The following MYO9A variants were observed in gnomAD, a reference collection of about 807,000 sequenced individuals.
The protein encoded by MYO9A is myosin IXA, also known as unconventional myosin-IXa.
MYO9A carries 103 observed loss-of-function variants against 293.3 expected under a neutral mutation model. The ratio of observed to expected loss-of-function variants is 0.35; its 90% CI spans 0.30 to 0.41. The LOEUF is 0.41. MYO9A is among the 10% of genes least tolerant of loss of function. The probability of loss-of-function intolerance (pLI) is 1.00; values close to 1 mark genes in which losing one functional copy is unlikely to be tolerated. For synonymous variants in MYO9A, 1,001 were observed against 1,035.7 expected (o/e 0.97, Z 0.64); for missense variants, 2,685 against 3,033.0 (o/e 0.89, Z 2.69).
intron 14 of MYO9A, among the ~76,000 whole-genome samples, chr15:71,958,297 T>A (rs1171306514): frequency 6.6e-6 from 1 of 152,136 alleles, no homozygotes; most frequent in Non-Finnish European, 1.5e-5. Flanking sequence ...ATTTTTACAA[T>A]CTGTTAGTTT....
At chr15:72,071,429 ACT>A (rs1433218754) in intron 1 of MYO9A, among the ~76,000 whole-genome samples, 5 of 152,182 alleles carry the variant, frequency 3.3e-5, no homozygotes, top group African/African-American at 9.7e-5. Context: ...AAAAGGGAAC[ACT>A]CACACATTTG....
At chr15:71,835,496 C>T (rs1305852014) in intron 39 of MYO9A, among the ~76,000 whole-genome samples, 5 of 151,906 alleles carry the variant, frequency 3.3e-5, no homozygotes, top group Non-Finnish European at 5.9e-5. Flanking sequence ...CAATAAGCAA[C>T]AGAAAATAAA....
Position 71,999,832 on chromosome 15 carries a change from C to A in MYO9A, c.1470+19G>T. ...AACAATGTCCAGAATGCTTTCATTT[C>A]AAAGAAAATCCATCATACCTCTGCC... On this transcript the variant is annotated intron_variant, in intron 9 of 41. Coordinates refer to ENST00000356056, the MANE Select transcript of MYO9A (RefSeq NM_006901.4). The A allele has an allele frequency of 6.3e-7, 1 of 1,599,474 alleles. No homozygotes were observed. Among genetic ancestry groups the A allele is most frequent in the South Asian group, 1.1e-5 (1 of 89,378 alleles).
At chr15:72,104,306 G>T (rs1220123239) in intron 1 of MYO9A, among the ~76,000 whole-genome samples, 1 of 152,120 alleles carries the variant, frequency 6.6e-6, no homozygotes, top group Admixed American at 6.5e-5. Flanking sequence ...GGTAGGTTAG[G>T]TGTAATAAAT....
At chr15:71,992,569 T>A (rs892552344) in intron 10 of MYO9A, among the ~76,000 whole-genome samples, 1 of 152,218 alleles carries the variant, frequency 6.6e-6, no homozygotes, top group Non-Finnish European at 1.5e-5. Flanking sequence ...AGATTACAAT[T>A]TAAATTAATT....
At chr15:72,110,931 G>A (rs992351768) in intron 1 of MYO9A, among the ~76,000 whole-genome samples, 9 of 150,954 alleles carry the variant, frequency 6.0e-5, no homozygotes, top group Admixed American at 4.0e-4. Flanking sequence ...AGGCCGAAGC[G>A]GGCGGATCAC....
At chr15:71,927,379 T>C (rs1052675844) in intron 18 of MYO9A, among the ~76,000 whole-genome samples, 3 of 152,184 alleles carry the variant, frequency 2.0e-5, no homozygotes, top group African/African-American at 7.2e-5. Flanking sequence ...CATTTGTCTA[T>C]TACTGCTTTC....
Position 71,916,458 on chromosome 15 carries a change from G to C in MYO9A, c.2597C>G (p.Thr866Arg). The C allele has an allele frequency of 6.2e-7, 1 of 1,612,030 alleles. No homozygotes were observed. The highest frequency in any genetic ancestry group is 2.2e-5 in the East Asian group (1 of 44,746). The change falls in exon 19 of 42, where the codon ACA (threonine) becomes AGA (arginine). Residue 866 changes from threonine to arginine, a missense_variant. Thr to Arg is a moderately conservative substitution (Grantham distance 71). Transcript: ENST00000356056. ...LLEVNSLKHL[T>R]RLTLQDRITK... ...AATGCGATCTTGTAGTGTCAGTCTT[G>C]TCAGGTGCTTTAAAGAATTTACTTC... is the stretch of plus-strand genomic sequence containing the variant.
intron 1 of MYO9A, among the ~76,000 whole-genome samples, chr15:72,076,030 G>A (rs760439069): frequency 7.9e-5 from 12 of 152,108 alleles, no homozygotes; most frequent in African/African-American, 7.2e-5. Context: ...TGGGCCAGGC[G>A]TGGTGGCTCA....
chr15:71,922,822 TTAACA>T (rs1181084028), intron 18 of MYO9A, among the ~76,000 whole-genome samples: 2 of 152,230 alleles, frequency 1.3e-5, no homozygotes, highest in African/African-American at 2.4e-5. Flanking sequence ...ACTAATGTAC[TTAACA>T]TTAGGTAATT....
intron 12 of MYO9A, among the ~76,000 whole-genome samples, chr15:71,970,455 A>C (rs2075980680): frequency 6.6e-6 from 1 of 152,202 alleles, no homozygotes; most frequent in Non-Finnish European, 1.5e-5. Flanking sequence ...ATTCCCTATA[A>C]AAAATATTTT....
chr15:71,996,680 T>G (rs948551297), intron 9 of MYO9A, among the ~76,000 whole-genome samples: 1 of 151,928 alleles, frequency 6.6e-6, no homozygotes, highest in African/African-American at 2.4e-5. Context: ...TCCTGCTGAT[T>G]TAATCAAATT....
chr15:71,965,835 G>T (rs2075860804), intron 13 of MYO9A, among the ~76,000 whole-genome samples: 1 of 151,828 alleles, frequency 6.6e-6, no homozygotes, highest in Admixed American at 6.6e-5. Flanking sequence ...ATGTCCCTTT[G>T]TATCTCTAGT....
chr15:72,000,270 A>G (rs974373953), intron 8 of MYO9A, among the ~76,000 whole-genome samples: 1 of 152,272 alleles, frequency 6.6e-6, no homozygotes, highest in African/African-American at 2.4e-5. Context: ...GGCAAGGACT[A>G]AAAAGTGACA....
chr15:71,889,691 G>C (rs182317482), intron 26 of MYO9A: 1 of 151,744 alleles, frequency 6.6e-6, no homozygotes, highest in African/African-American at 2.4e-5. Context: ...AAGAAAAAAG[G>C]GTTTACCAAA....
At chr15:71,996,378 C>A (rs2076698719) in intron 9 of MYO9A, among the ~76,000 whole-genome samples, 1 of 151,992 alleles carries the variant, frequency 6.6e-6, no homozygotes, top group Non-Finnish European at 1.5e-5. Context: ...TATAAAATAC[C>A]ATAGTCATAG....
rs539156696 is a variant in MYO9A, at chr15:72,047,032, T to A, written c.-71-398A>T. ...AATCTAATTGCCCTGTACCCAAAATTTCTTAAGGATAAAGCAAAAACAAGA... is the reference window on the plus strand; with the variant it reads ...AATCTAATTGCCCTGTACCCAAAATATCTTAAGGATAAAGCAAAAACAAGA... On this transcript the variant is annotated intron_variant, in intron 1 of 41. Transcript: ENST00000356056. 4.6e-5 allele frequency among the ~76,000 whole-genome samples: 7 copies of A among 152,258 alleles called. No individual in the cohort carries two copies. The East Asian group carries it at 1.3e-3, about 29-fold the overall frequency.
At chr15:71,909,571 C>T (rs2057771324) in intron 19 of MYO9A, among the ~76,000 whole-genome samples, 1 of 152,184 alleles carries the variant, frequency 6.6e-6, no homozygotes, top group Admixed American at 6.6e-5. Flanking sequence ...TGCCCCTCCC[C>T]TCTGTTCAAT....
At chr15:72,054,694 A>G (rs2078669557) in intron 1 of MYO9A, among the ~76,000 whole-genome samples, 1 of 151,488 alleles carries the variant, frequency 6.6e-6, no homozygotes, top group Non-Finnish European at 1.5e-5. Flanking sequence ...AAAAAAAAAA[A>G]AAAAAAAAAG....
Sources: allele counts gnomAD v4.1 joint callset (sites outside exome capture counted in the v4.1 genomes callset), GRCh38; gene constraint gnomAD v4.1.1; transcripts MANE v1.5; gene names NCBI Gene and HGNC (gene_info 2026-07-23, HGNC 2026-07-21).